KCNJ5: variants seen among roughly 807,000 people sequenced by gnomAD.
KCNJ5 encodes the protein G protein-activated inward rectifier potassium channel 4.
KCNJ5 carries 12 observed loss-of-function variants against 20.2 expected under a neutral mutation model. The ratio of observed to expected loss-of-function variants is 0.59; its 90% CI spans 0.38 to 0.96. KCNJ5 has a LOEUF of 0.96. Among genes scored for constraint, KCNJ5 ranks in the 40% least tolerant of loss-of-function variants. KCNJ5 has a pLI of 0.00. For missense variants in KCNJ5, 449 were observed against 557.6 expected (o/e 0.81, Z 1.96); for synonymous variants, 210 against 213.9 (o/e 0.98, Z 0.16).
intron 1 of KCNJ5, among the ~76,000 whole-genome samples, chr11:128,907,055 T>C (rs1009095548): frequency 2.0e-5 from 3 of 152,178 alleles, no homozygotes; most frequent in African/African-American, 4.8e-5. Context: ...TTTGGAGCAT[T>C]TTCCTATGAG....
chr11:128,905,020 T>A (rs1239219177), intron 1 of KCNJ5, among the ~76,000 whole-genome samples: 1 of 152,144 alleles, frequency 6.6e-6, no homozygotes, highest in Non-Finnish European at 1.5e-5. Context: ...AGAGGATAAT[T>A]TTGTTTTGTT....
In KCNJ5 at chr11:128,916,772, T is replaced by G. The variant is rs770346318; in HGVS notation, c.*41T>G. ...TAAGACCTCCTGTCACTGGCTTCAGTGAACACAGACACTGCAGAGCCTGGG... is the reference window on the plus strand; with the variant it reads ...TAAGACCTCCTGTCACTGGCTTCAGGGAACACAGACACTGCAGAGCCTGGG... On this transcript the variant is annotated 3_prime_UTR_variant, in exon 3 of 3. Coordinates refer to ENST00000529694, the MANE Select transcript of KCNJ5 (RefSeq NM_000890.5). 15 of 1,453,176 alleles carry G rather than the reference T, an allele frequency of 1.0e-5. No individual in the cohort carries two copies. Among genetic ancestry groups the G allele is most frequent in the Non-Finnish European group, 1.3e-5 (14 of 1,060,144 alleles). 90.0% of individuals were successfully genotyped at this position (1,453,176 alleles called of 1,614,324 possible).
chr11:128,902,419 A>G, intron 1 of KCNJ5: 1 of 1,098,352 alleles, frequency 9.1e-7, no homozygotes, highest in Non-Finnish European at 1.3e-6. Context: ...TGTTCTCTGC[A>G]GCAGGTTTGC....
At chr11:128,904,490 C>T in intron 1 of KCNJ5, 1 of 1,589,698 alleles carries the variant, frequency 6.3e-7, no homozygotes, top group Non-Finnish European at 8.6e-7. Context: ...GTCCAGCTCC[C>T]AGCTGATGGC....
chr11:128,891,886 T>C (rs1366180296), intron 1 of KCNJ5, among the ~76,000 whole-genome samples, 165 bp downstream of exon 1: 3 of 152,166 alleles, frequency 2.0e-5, no homozygotes, highest in African/African-American at 7.2e-5. Flanking sequence ...GGTCCAAGTT[T>C]AGGAAATTGG....
chr11:128,898,944 T>C (rs1377606241), intron 1 of KCNJ5, among the ~76,000 whole-genome samples: 2 of 152,262 alleles, frequency 1.3e-5, no homozygotes, highest in Non-Finnish European at 2.9e-5. Flanking sequence ...CCTCCCACAG[T>C]TCTGGGATTA....
In KCNJ5 at chr11:128,911,316, A is replaced by C. The variant is rs756853186; in HGVS notation, c.43A>C (p.Ile15Leu). ...GAATGCCATGAACCAGGACATGGAGATTGGAGTCACTCCCTGGGACCCCAA... is the reference window on the plus strand; with the variant it reads ...GAATGCCATGAACCAGGACATGGAGCTTGGAGTCACTCCCTGGGACCCCAA... ...SRNAMNQDME[I>L]GVTPWDPKKI... The change falls in exon 2 of 3, where the codon ATT (isoleucine) becomes CTT (leucine). Residue 15 changes from isoleucine (I) to leucine (L), a missense_variant. By Grantham distance (5) the Ile-to-Leu change is conservative. This residue lies in a region of KCNJ5 where 203 missense variants were observed against 258.0 expected (regional missense o/e 0.79). Transcript: ENST00000529694. This position sits in a 1 kb window ranked among gnomAD's most constrained non-coding sequence, Gnocchi z 6.3. 6 of 1,614,126 alleles carry C rather than the reference A, an allele frequency of 3.7e-6. No individual in the cohort carries two copies. The highest frequency in any genetic ancestry group is 5.1e-6 in the Non-Finnish European group (6 of 1,180,012).
chr11:128,914,230 A>G (rs754424384), intron 2 of KCNJ5, among the ~76,000 whole-genome samples: 8 of 152,248 alleles, frequency 5.3e-5, no homozygotes, highest in Non-Finnish European at 1.0e-4. Flanking sequence ...ACATGGGGTC[A>G]AATCATAGCA....
At chr11:128,901,621 C>A (rs1019155383) in intron 1 of KCNJ5, 1 of 152,298 alleles carries the variant, frequency 6.6e-6, no homozygotes, top group Non-Finnish European at 1.5e-5. Context: ...CAACCTCAGT[C>A]CTGCATCCTC....
chr11:128,912,171 G>A lies in KCNJ5; in HGVS notation c.898G>A (p.Glu300Lys). ...SQAQLHQEEF[E>K]VVVILEGMVE... is the part of the protein sequence containing the mutation. ...GGCTCAGCTGCATCAGGAAGAGTTT[G>A]AAGTTGTGGTCATTCTAGAAGGGAT... Residue 300 changes from glutamate to lysine, a missense_variant, in exon 2 of 3, where the codon GAA becomes AAA. This residue lies in a region of KCNJ5 where 145 missense variants were observed against 166.2 expected (regional missense o/e 0.87). Transcript: ENST00000529694. The A allele has an allele frequency of 6.2e-7, 1 of 1,608,056 alleles. No homozygotes were observed. The highest frequency in any genetic ancestry group is 2.2e-5 in the East Asian group (1 of 44,882).
At chr11:128,893,879 A>T (rs2135981146) in intron 1 of KCNJ5, among the ~76,000 whole-genome samples, 1 of 152,360 alleles carries the variant, frequency 6.6e-6, no homozygotes, top group South Asian at 2.1e-4. Context: ...CAGCAGAGAC[A>T]CGTGTGTGGC....
chr11:128,897,601 A>T (rs1028368832), intron 1 of KCNJ5, among the ~76,000 whole-genome samples: 1 of 152,104 alleles, frequency 6.6e-6, no homozygotes, highest in Admixed American at 6.5e-5. Flanking sequence ...CCTACTTTGT[A>T]ATTTTGCCTT....
intron 1 of KCNJ5, among the ~76,000 whole-genome samples, chr11:128,895,384 C>CT (rs970217690): frequency 1.7e-3 from 74 of 44,732 alleles, no homozygotes; most frequent in Non-Finnish European, 2.7e-3. Flanking sequence ...GTGCCCCCAC[C>CT]CCCCCCCCAA....
chr11:128,912,066 G>A lies in KCNJ5; in HGVS notation c.793G>A (p.Asp265Asn), dbSNP rs758781514. Residue 265 changes from aspartate (D) to asparagine (N), a missense_variant, in exon 2 of 3, where the codon GAC (aspartate) becomes AAC (asparagine). Coordinates refer to ENST00000529694, the MANE Select transcript of KCNJ5 (RefSeq NM_000890.5). ...TDINVGFDTGDDRLFLVSPLI... is the reference protein window; with the variant it reads ...TDINVGFDTGNDRLFLVSPLI... ...CATCAACGTGGGCTTTGACACGGGC[G>A]ACGACCGCCTCTTCCTTGTGTCTCC... The A allele has an allele frequency of 4.3e-6, 7 of 1,613,850 alleles. No individual in the cohort carries two copies. The highest frequency in any genetic ancestry group is 1.6e-4 in the Middle Eastern group (1 of 6,084).
chr11:128,905,383 C>T (rs1468280830), intron 1 of KCNJ5, among the ~76,000 whole-genome samples: 3 of 152,216 alleles, frequency 2.0e-5, no homozygotes, highest in Admixed American at 6.5e-5. Flanking sequence ...GCTTCGTCCC[C>T]TGCGGGGTGA....
intron 1 of KCNJ5, among the ~76,000 whole-genome samples, chr11:128,898,012 A>C (rs746989273): frequency 8.5e-5 from 13 of 152,212 alleles, no homozygotes; most frequent in Non-Finnish European, 1.6e-4. Flanking sequence ...CTATGTGTCT[A>C]TCCTTCTGCC....
rs1944609101 is a variant in KCNJ5, at chr11:128,917,800, G to GAGCC, written c.*1070_*1071insGCCA. On this transcript the variant is annotated 3_prime_UTR_variant, in exon 3 of 3. Coordinates refer to ENST00000529694, the MANE Select transcript of KCNJ5 (RefSeq NM_000890.5). ...GCCAGGCAAGATGGCTCACGCCTGT[G>GAGCC]ATCCCAGCATTTTGGGAGGCCGAGG... is the stretch of plus-strand genomic sequence containing the variant. 1 of 152,408 alleles carries GAGCC rather than the reference G, an allele frequency of 6.6e-6. No individual in the cohort carries two copies. The highest frequency in any genetic ancestry group is 2.1e-4 in the South Asian group (1 of 4,834). 9.4% of individuals were successfully genotyped at this position (152,408 alleles called of 1,614,324 possible).
chr11:128,897,556 TTGTC>T (rs1406261491), intron 1 of KCNJ5, among the ~76,000 whole-genome samples: 2 of 152,230 alleles, frequency 1.3e-5, no homozygotes, highest in Admixed American at 6.5e-5. Context: ...TACCAGTCCT[TTGTC>T]AGTCAGATAT....
rs1453849408 is a variant in KCNJ5 at position 128,916,443 on chromosome 11, T to A, written c.972T>A (p.Asp324Glu). Reference protein sequence around the residue: ...MTCQARSSYMDTEVLWGHRFT... With the variant: ...MTCQARSSYMETEVLWGHRFT... ...GCCAAGCCCGGAGCTCCTACATGGA[T>A]ACAGAGGTGCTCTGGGGCCACCGAT... The change falls in exon 3 of 3, where the codon GAT (aspartate) becomes GAA (glutamate). Residue 324 changes from aspartate (D) to glutamate (E), a missense_variant. Coordinates refer to ENST00000529694, the MANE Select transcript of KCNJ5 (RefSeq NM_000890.5). 6.2e-7 allele frequency: 1 copy of A among 1,614,230 alleles called. No individual in the cohort carries two copies. The highest frequency in any genetic ancestry group is 1.3e-5 in the African/African-American group (1 of 75,060).
Sources: gnomAD v4.1 joint callset for allele counts (sites outside exome capture counted in the v4.1 genomes callset) on GRCh38, gnomAD v4.1.1 for gene constraint, gnomAD v4.1.1 regional missense constraint, Gnocchi (gnomAD v3.1) non-coding constraint, MANE v1.5 for transcripts, NCBI Gene and HGNC (gene_info 2026-07-23, HGNC 2026-07-21) for gene names.